Variants in SASH1 observed in about 807,000 individuals in gnomAD.
SASH1 encodes the protein SAM and SH3 domain containing 1, also known as SAM and SH3 domain-containing protein 1.
SASH1 carries 44 observed loss-of-function variants against 125.2 expected under a neutral mutation model. The observed-to-expected ratio is 0.35, with a 90% CI of 0.28 to 0.45. SASH1 has a LOEUF of 0.45. Ranked by LOEUF, SASH1 falls within the 20% of genes least tolerant of loss-of-function variation. The pLI is 1.00. For missense variants in SASH1, 1,426 were observed against 1,614.5 expected (o/e 0.88, Z 2.00); for synonymous variants, 639 against 649.1 (o/e 0.98, Z 0.24).
intron 1 of SASH1, among the ~76,000 whole-genome samples, chr6:148,314,795 A>T (rs1341498621): frequency 7.0e-6 from 1 of 143,420 alleles, no homozygotes; most frequent in Non-Finnish European, 1.5e-5. Flanking sequence ...TTTGAGACGG[A>T]GCCCAGGCTG....
the SASH1 span, among the ~76,000 whole-genome samples, chr6:148,265,069 G>C: frequency 6.6e-6 from 1 of 152,158 alleles, no homozygotes; most frequent in South Asian, 2.1e-4. Flanking sequence ...ATATATAATA[G>C]AATAATTTCT....
chr6:148,217,160 G>A, the SASH1 span, among the ~76,000 whole-genome samples: 3,368 of 152,294 alleles, frequency 0.022, 58 homozygotes, highest in Non-Finnish European at 0.031. Context: ...GAGTCCCTGA[G>A]TACACACTGC....
intron 2 of SASH1, among the ~76,000 whole-genome samples, chr6:148,408,226 A>G (rs537481328): frequency 1.2e-4 from 17 of 139,468 alleles, no homozygotes; most frequent in South Asian, 4.6e-4. Flanking sequence ...TCCTGCCTCA[A>G]CCTCCCAAGT....
At chr6:148,434,573 C>G (rs1776216675) in intron 2 of SASH1, among the ~76,000 whole-genome samples, 1 of 152,026 alleles carries the variant, frequency 6.6e-6, no homozygotes, top group Non-Finnish European at 1.5e-5. Context: ...TTACACTTAA[C>G]TTGGGATGGT....
At chr6:148,193,485 TG>T in the SASH1 span, among the ~76,000 whole-genome samples, 3 of 152,204 alleles carry the variant, frequency 2.0e-5, no homozygotes, top group South Asian at 6.2e-4. Flanking sequence ...ATTATGAAAG[TG>T]GCTTGGCTAA....
At chr6:148,474,931 A>T (rs569553058) in intron 7 of SASH1, among the ~76,000 whole-genome samples, 1 of 152,216 alleles carries the variant, frequency 6.6e-6, no homozygotes, top group African/African-American at 2.4e-5. Context: ...TCTAAAGGTT[A>T]TACTTACTTT....
At chr6:148,439,018 GGTA>G (rs1562410257) in intron 2 of SASH1, among the ~76,000 whole-genome samples, 1 of 152,016 alleles carries the variant, frequency 6.6e-6, no homozygotes, top group Non-Finnish European at 1.5e-5. Context: ...AAAGGTTTTC[GGTA>G]TTGGTGTAGT....
At position 148,443,909 on chromosome 6, in the gene SASH1, C is replaced by T. The variant is rs372156424; in HGVS notation, c.386+3502C>T. On this transcript the variant is annotated intron_variant, in intron 4 of 19. Coordinates refer to ENST00000367467, the MANE Select transcript of SASH1 (RefSeq NM_015278.5). ...ACAGGACCCTCAAAGGGTGACCTGG[C>T]GAACCAGTTGGCTGTGTCTGGTTGG... Among the ~76,000 whole-genome samples, 224 of 152,306 alleles carry T rather than the reference C, an allele frequency of 1.5e-3. 9 individuals carry two copies. In the South Asian group the frequency reaches 0.045, roughly 31 times the overall value.
chr6:148,426,591 G>T (rs1307865876), intron 2 of SASH1, among the ~76,000 whole-genome samples: 1 of 152,168 alleles, frequency 6.6e-6, no homozygotes, highest in Non-Finnish European at 1.5e-5. Context: ...GTGGCTTAGA[G>T]TTGAAATGCA....
At chr6:148,516,510 TCCCCC>T (rs1780451315) in intron 9 of SASH1, among the ~76,000 whole-genome samples, 5 of 21,764 alleles carry the variant, frequency 2.3e-4, no homozygotes, top group Admixed American at 8.7e-4. Context: ...CCCTCCCCCC[TCCCCC>T]GCCCTTGGAC....
chr6:148,544,657 G>C lies in SASH1; in HGVS notation c.3187G>C (p.Glu1063Gln). Residue 1063 changes from glutamate to glutamine, a missense_variant, in exon 18 of 20, where the codon GAG becomes CAG. Glu to Gln is a conservative substitution (Grantham distance 29, BLOSUM62 2). Transcript: ENST00000367467. This position sits in a 1 kb window ranked among gnomAD's most constrained non-coding sequence, Gnocchi z 6.4. ...PSTRPPPWLS[E>Q]LPENTSLQEH... ...CACAAGGCCGCCCCCCTGGCTCTCA[G>C]AGCTCCCCGAGAACACAAGCCTCCA... The C allele has an allele frequency of 1.2e-6, 2 of 1,613,324 alleles. No individual in the cohort carries two copies. Among genetic ancestry groups the C allele is most frequent in the Non-Finnish European group, 1.7e-6 (2 of 1,179,736 alleles).
rs199831866 is a variant in SASH1 at position 148,543,756 on chromosome 6, G to T, written c.2286G>T (p.Gln762His). Residue 762 changes from glutamine to histidine, a missense_variant, in exon 18 of 20, where the codon CAG (glutamine) becomes CAT (histidine). Coordinates refer to ENST00000367467, the MANE Select transcript of SASH1 (RefSeq NM_015278.5). ...GCTTGAAGTCTTTTAGCAGAAACCA[G>T]TTGGGCAATTACCCAACATTGCCTT... The part of the protein sequence containing the change: ...EPSLKSFSRN[Q>H]LGNYPTLPLM... 1.0e-4 allele frequency: 169 copies of T among 1,611,014 alleles called. No homozygotes were observed. Among genetic ancestry groups the T allele is most frequent in the South Asian group, 1.5e-4 (14 of 90,664 alleles).
chr6:148,403,421 A>C (rs758139405), intron 2 of SASH1, among the ~76,000 whole-genome samples: 4 of 151,086 alleles, frequency 2.6e-5, no homozygotes, highest in Non-Finnish European at 5.9e-5. Context: ...AATTTTTGCT[A>C]TACAATTACA....
chr6:148,322,935 T>TTTCC (rs1354526305), intron 1 of SASH1, among the ~76,000 whole-genome samples: 1 of 94,264 alleles, frequency 1.1e-5, no homozygotes, highest in South Asian at 3.5e-4. Context: ...CTCTCTTTCT[T>TTTCC]TTCCTTCCTT....
chr6:148,279,216 C>A (rs1219162450), intron 1 of SASH1, among the ~76,000 whole-genome samples: 1 of 152,154 alleles, frequency 6.6e-6, no homozygotes, highest in Admixed American at 6.5e-5. Flanking sequence ...GTCTTGAACT[C>A]CTGAGCTCAA....
the SASH1 span, among the ~76,000 whole-genome samples, chr6:148,252,582 G>A: frequency 1.3e-5 from 2 of 151,778 alleles, no homozygotes; most frequent in African/African-American, 2.4e-5. Flanking sequence ...AGGTTCAAGC[G>A]ATTGTCCTGC....
At chr6:148,260,670 G>C in the SASH1 span, among the ~76,000 whole-genome samples, 1 of 150,106 alleles carries the variant, frequency 6.7e-6, no homozygotes, top group Non-Finnish European at 1.5e-5. Context: ...TAATCTTATA[G>C]TTGCTCCCCC....
intron 1 of SASH1, among the ~76,000 whole-genome samples, chr6:148,321,552 T>C (rs1057088912): frequency 1.3e-5 from 2 of 152,196 alleles, no homozygotes; most frequent in Non-Finnish European, 2.9e-5. Context: ...TGATCAAACA[T>C]GGCACCTGGC....
At chr6:148,241,013 A>G in the SASH1 span, among the ~76,000 whole-genome samples, 3 of 152,192 alleles carry the variant, frequency 2.0e-5, no homozygotes, top group Admixed American at 6.5e-5. Flanking sequence ...CTCTCTTACA[A>G]ACAAAACATG....
Sources: allele counts gnomAD v4.1 joint callset (sites outside exome capture counted in the v4.1 genomes callset), GRCh38; gene constraint gnomAD v4.1.1; non-coding constraint Gnocchi (gnomAD v3.1); transcripts MANE v1.5; gene names NCBI Gene and HGNC (gene_info 2026-07-23, HGNC 2026-07-21).